The following AKT3 variants were observed in gnomAD, a reference collection of about 807,000 sequenced individuals.
AKT3 encodes AKT serine/threonine kinase 3.
AKT3 carries 15 observed loss-of-function variants against 65.3 expected under a neutral mutation model. That is an observed-to-expected ratio of 0.23 (90% confidence interval 0.15 to 0.35). The LOEUF is 0.35. Among genes scored for constraint, AKT3 ranks in the 10% least tolerant of loss-of-function variants. The pLI, the probability that AKT3 is intolerant of heterozygous loss-of-function variation, is 1.00. For synonymous variants in AKT3, 206 were observed against 183.8 expected (o/e 1.12, Z -0.98); for missense variants, 243 against 576.5 (o/e 0.42, Z 5.92).
At chr1:243,527,936 C>CAG (rs141407272) in intron 12 of AKT3, among the ~76,000 whole-genome samples, 118 of 38,258 alleles carry the variant, frequency 3.1e-3, no homozygotes, top group Middle Eastern at 0.019. Flanking sequence ...CACACACACA[C>CAG]AGAGAGAGAG....
intron 6 of AKT3, among the ~76,000 whole-genome samples, chr1:243,629,408 C>T (rs1191089398): frequency 6.6e-6 from 1 of 152,174 alleles, no homozygotes; most frequent in African/African-American, 2.4e-5. Flanking sequence ...AAAAGAACTT[C>T]TTTCAGGATC....
chr1:243,613,063 A>G (rs1429115801), intron 8 of AKT3: 2 of 105,214 alleles, frequency 1.9e-5, no homozygotes, highest in African/African-American at 6.0e-5. Flanking sequence ...AAAATTATAT[A>G]TATATATATA....
At chr1:243,841,552 A>C (rs1433467475) in intron 2 of AKT3, among the ~76,000 whole-genome samples, 2 of 152,222 alleles carry the variant, frequency 1.3e-5, no homozygotes, top group Admixed American at 1.3e-4. Context: ...ACATTGAAAG[A>C]AATTACACTT....
chr1:243,650,537 T>G (rs1302583351), intron 4 of AKT3, among the ~76,000 whole-genome samples: 1 of 152,224 alleles, frequency 6.6e-6, no homozygotes, highest in Non-Finnish European at 1.5e-5. Context: ...TTTATGGTTT[T>G]AGGTCTTACA....
At chr1:243,553,438 G>A (rs1002113930) in intron 10 of AKT3, among the ~76,000 whole-genome samples, 1 of 152,136 alleles carries the variant, frequency 6.6e-6, no homozygotes. Context: ...CAATGTAATG[G>A]AGAAGTCTAC....
intron 2 of AKT3, among the ~76,000 whole-genome samples, chr1:243,763,516 T>C (rs1220808517): frequency 6.6e-6 from 1 of 152,062 alleles, no homozygotes; most frequent in Non-Finnish European, 1.5e-5. Context: ...TTATCACTAC[T>C]GGCTTAAAAG....
chr1:243,533,556 G>T (rs1671691798), intron 12 of AKT3, among the ~76,000 whole-genome samples: 1 of 152,130 alleles, frequency 6.6e-6, no homozygotes, highest in African/African-American at 2.4e-5. Context: ...GTTAAAAAAA[G>T]TTAAAAAAGC....
At chr1:243,613,523 T>G in intron 8 of AKT3, 148 bp downstream of exon 8, 1 of 449,316 alleles carries the variant, frequency 2.2e-6, no homozygotes, top group South Asian at 9.5e-5. Flanking sequence ...AGAAATAATT[T>G]CGCTCCCATT....
chr1:243,791,787 C>T (rs1572355610), intron 2 of AKT3, among the ~76,000 whole-genome samples: 1 of 152,268 alleles, frequency 6.6e-6, no homozygotes, highest in South Asian at 2.1e-4. Flanking sequence ...AAACTGTGCT[C>T]CTGCAAGCTT....
chr1:243,523,594 A>T (rs1183160631), intron 12 of AKT3, among the ~76,000 whole-genome samples: 1 of 152,206 alleles, frequency 6.6e-6, no homozygotes, highest in Non-Finnish European at 1.5e-5. Flanking sequence ...TGAAGAAAAC[A>T]CTGAGCCCCT....
chr1:243,829,032 A>G (rs1236643459), intron 2 of AKT3, among the ~76,000 whole-genome samples: 1 of 152,216 alleles, frequency 6.6e-6, no homozygotes, highest in East Asian at 1.9e-4. Flanking sequence ...TACACAGAAT[A>G]AAGTGTAAAA....
intron 12 of AKT3, among the ~76,000 whole-genome samples, chr1:243,518,231 C>A (rs924770553): frequency 3.9e-5 from 6 of 152,212 alleles, no homozygotes; most frequent in Non-Finnish European, 7.3e-5. Flanking sequence ...CCTTCCACTT[C>A]CCCTGTCCCT....
chr1:243,597,615 T>C (rs1479846854), intron 8 of AKT3, among the ~76,000 whole-genome samples: 1 of 152,164 alleles, frequency 6.6e-6, no homozygotes, highest in Non-Finnish European at 1.5e-5. Context: ...ATCTTCCCAC[T>C]TCAGTCTCTC....
intron 5 of AKT3, among the ~76,000 whole-genome samples, chr1:243,641,678 G>A (rs959090459): frequency 1.3e-5 from 2 of 152,094 alleles, no homozygotes; most frequent in African/African-American, 4.8e-5. Context: ...GCTCACACCT[G>A]TAATCCCACA....
chr1:243,726,525 A>T (rs1171116672), intron 2 of AKT3, among the ~76,000 whole-genome samples: 1 of 152,202 alleles, frequency 6.6e-6, no homozygotes, highest in Non-Finnish European at 1.5e-5. Context: ...ACAACAGGTA[A>T]ATTCTCAAAA....
chr1:243,689,241 G>A (rs1276556689), intron 3 of AKT3, among the ~76,000 whole-genome samples: 2 of 151,858 alleles, frequency 1.3e-5, no homozygotes, highest in Non-Finnish European at 1.5e-5. Context: ...TCAACACTTC[G>A]AAGGTGAATT....
chr1:243,704,923 G>C (rs1685698349), intron 2 of AKT3, among the ~76,000 whole-genome samples: 1 of 152,072 alleles, frequency 6.6e-6, no homozygotes, highest in Admixed American at 6.5e-5. Context: ...GGGTCACTGA[G>C]ATGTTTGTCT....
intron 12 of AKT3, among the ~76,000 whole-genome samples, chr1:243,537,867 A>G (rs1420307819): frequency 1.3e-5 from 2 of 152,072 alleles, no homozygotes; most frequent in Non-Finnish European, 2.9e-5. Context: ...TTTTTCTCAC[A>G]TTGTTTTCCC....
At chr1:243,732,353 A>G (rs1171170904) in intron 2 of AKT3, among the ~76,000 whole-genome samples, 1 of 152,214 alleles carries the variant, frequency 6.6e-6, no homozygotes, top group South Asian at 2.1e-4. Context: ...TCCATTAAAA[A>G]GCTTCTCCAC....
Sources: allele counts gnomAD v4.1 joint callset (sites outside exome capture counted in the v4.1 genomes callset), GRCh38; gene constraint gnomAD v4.1.1; transcripts MANE v1.5; gene names NCBI Gene and HGNC (gene_info 2026-07-23, HGNC 2026-07-21).